Variants in ARHGAP21 observed in about 807,000 individuals in gnomAD.
ARHGAP21 encodes rho GTPase-activating protein 21.
In ARHGAP21, 38 loss-of-function variants were observed where a neutral mutation model predicts 164.6. The observed-to-expected ratio is 0.23, with a 90% CI of 0.18 to 0.30. The LOEUF (loss-of-function observed/expected upper bound fraction) is 0.30. ARHGAP21 is among the 10% of genes least tolerant of loss of function. The pLI, the probability that ARHGAP21 is intolerant of heterozygous loss-of-function variation, is 1.00. For synonymous variants in ARHGAP21, 766 were observed against 857.9 expected (o/e 0.89, Z 1.87); for missense variants, 1,822 against 2,370.7 (o/e 0.77, Z 4.81).
chr10:24,617,622 A>G (rs1834087461), intron 9 of ARHGAP21, among the ~76,000 whole-genome samples: 1 of 152,060 alleles, frequency 6.6e-6, no homozygotes, highest in Non-Finnish European at 1.5e-5. Context: ...AAAAAAAAAC[A>G]TAAGCTGTGT....
At chr10:24,690,789 C>A (rs567209423) in intron 2 of ARHGAP21, among the ~76,000 whole-genome samples, 2 of 150,448 alleles carry the variant, frequency 1.3e-5, no homozygotes, top group African/African-American at 4.9e-5. Flanking sequence ...GATCGCGCCA[C>A]TGCACTCCAG....
intron 4 of ARHGAP21, among the ~76,000 whole-genome samples, chr10:24,656,345 G>A (rs1291047554): frequency 9.3e-6 from 1 of 107,788 alleles, no homozygotes; most frequent in Admixed American, 8.1e-5. Flanking sequence ...GAGATGGGGG[G>A]GTCAGCCCCC....
intron 2 of ARHGAP21, among the ~76,000 whole-genome samples, chr10:24,717,481 G>A (rs1288257983): frequency 6.6e-6 from 1 of 152,138 alleles, no homozygotes; most frequent in African/African-American, 2.4e-5. Flanking sequence ...AACTGAAAGA[G>A]TCTTGCGGGT....
chr10:24,691,000 C>T (rs1456386726), intron 2 of ARHGAP21, among the ~76,000 whole-genome samples: 1 of 151,796 alleles, frequency 6.6e-6, no homozygotes, highest in East Asian at 1.9e-4. Flanking sequence ...CAGAACACAG[C>T]TCTCATATAA....
chr10:24,642,343 G>A (rs1452149734), intron 4 of ARHGAP21, among the ~76,000 whole-genome samples: 4 of 151,522 alleles, frequency 2.6e-5, no homozygotes, highest in African/African-American at 4.8e-5. Context: ...GTGAAACCCC[G>A]TCTCTACTAA....
rs1334100400 is a variant in ARHGAP21 at position 24,658,044 on chromosome 10, C to A, written c.268+8941G>T. 8.6e-5 allele frequency among the ~76,000 whole-genome samples: 3 copies of A among 34,730 alleles called. 1 individual carries two copies. The highest frequency in any genetic ancestry group is 1.5e-4 in the Non-Finnish European group (3 of 20,228). 22.8% of individuals were successfully genotyped at this position (34,730 alleles called of 152,430 possible). On this transcript the variant is annotated intron_variant, in intron 4 of 25. Transcript: ENST00000396432. ...TCTGTGAGAAACACCCAAGAATTATCAATAAAAAAATAAATTAAAAAAAAA... is the reference window on the plus strand; with the variant it reads ...TCTGTGAGAAACACCCAAGAATTATAAATAAAAAAATAAATTAAAAAAAAA...
intron 4 of ARHGAP21, among the ~76,000 whole-genome samples, chr10:24,652,756 TGACAAC>T (rs1171748344): frequency 6.6e-6 from 1 of 152,188 alleles, no homozygotes; most frequent in Non-Finnish European, 1.5e-5. Context: ...TTACAAAGAC[TGACAAC>T]AGCAAGTGTC....
chr10:24,628,432 T>A (rs1428047355), intron 7 of ARHGAP21, among the ~76,000 whole-genome samples: 2 of 152,166 alleles, frequency 1.3e-5, no homozygotes, highest in East Asian at 3.9e-4. Context: ...ATTTTTTTTT[T>A]TATAAAACAT....
intron 2 of ARHGAP21, among the ~76,000 whole-genome samples, chr10:24,692,679 A>G (rs531506436): frequency 6.6e-6 from 1 of 152,282 alleles, no homozygotes; most frequent in East Asian, 1.9e-4. Context: ...TAAAAATACA[A>G]AAAGTAGCTG....
At chr10:24,633,883 C>CTTTTTTTTTTTTTTTTTTT (rs3073324) in intron 5 of ARHGAP21, among the ~76,000 whole-genome samples, 1 of 75,496 alleles carries the variant, frequency 1.3e-5, no homozygotes. Context: ...CTTTTTTTCT[C>CTTTTTTTTTTTTTTTTTTT]TTTTTTTTTT....
chr10:24,630,582 C>T (rs1835758519), intron 6 of ARHGAP21, among the ~76,000 whole-genome samples: 1 of 152,128 alleles, frequency 6.6e-6, no homozygotes, highest in African/African-American at 2.4e-5. Context: ...ACCTCTGCCT[C>T]CTGGGTCTAA....
chr10:24,709,012 T>A (rs188189138), intron 2 of ARHGAP21, among the ~76,000 whole-genome samples: 3 of 152,102 alleles, frequency 2.0e-5, no homozygotes, highest in Admixed American at 1.3e-4. Context: ...CAGTTTTCCA[T>A]AGAGGTTGTA....
chr10:24,678,097 C>T (rs1841437667), intron 2 of ARHGAP21, among the ~76,000 whole-genome samples: 1 of 149,546 alleles, frequency 6.7e-6, no homozygotes, highest in Non-Finnish European at 1.5e-5. Flanking sequence ...CCTCACTCTC[C>T]ACAAAAAGGA....
intron 25 of ARHGAP21, among the ~76,000 whole-genome samples, chr10:24,587,125 G>A (rs976316004): frequency 6.6e-6 from 1 of 152,118 alleles, no homozygotes; most frequent in East Asian, 1.9e-4. Context: ...TATTGGGAAA[G>A]TTATTTGCTA....
At chr10:24,680,966 T>G (rs1200122879) in intron 2 of ARHGAP21, among the ~76,000 whole-genome samples, 2 of 152,154 alleles carry the variant, frequency 1.3e-5, no homozygotes, top group East Asian at 3.8e-4. Context: ...TTAAAAGACT[T>G]CATAACAAGG....
intron 10 of ARHGAP21, 60 bp from the exon 11 acceptor site, chr10:24,607,661 C>T (rs892802141): frequency 3.1e-5 from 50 of 1,609,098 alleles, no homozygotes; most frequent in Middle Eastern, 3.3e-4. Context: ...ATTCTTTTAA[C>T]GGTGGAAACA....
chr10:24,656,488 C>T (rs1178572036), intron 4 of ARHGAP21, among the ~76,000 whole-genome samples: 2 of 68,284 alleles, frequency 2.9e-5, no homozygotes, highest in Admixed American at 1.2e-4. Flanking sequence ...CCCCTCTGCC[C>T]GGCCAGCCGC....
chr10:24,607,756 G>A lies in ARHGAP21; in HGVS notation c.2570C>T (p.Ser857Leu). 2 of 1,613,994 alleles carry A rather than the reference G, an allele frequency of 1.2e-6. No homozygotes were observed. Reference sequence around the variant, plus strand: ...CCCTTTAGACGTACCGTGGTCATGTGAGAGCTGACGGCGAATTAATGGAGC... The same window carrying A: ...CCCTTTAGACGTACCGTGGTCATGTAAGAGCTGACGGCGAATTAATGGAGC... ...TSAPLIRRQL[S>L]HDHESVGPPS... is the part of the protein sequence containing the mutation. The change falls in exon 10 of 26, where the codon TCA becomes TTA. Residue 857 changes from serine (S) to leucine (L), a missense_variant. Around this residue, in one of 5 missense-constraint regions of ARHGAP21, gnomAD observed 1,090 missense variants for 1,378.9 expected, o/e 0.79. Transcript: ENST00000396432.
intron 24 of ARHGAP21, chr10:24,590,773 T>C: frequency 4.1e-6 from 4 of 985,336 alleles, no homozygotes; most frequent in Non-Finnish European, 4.8e-6. Context: ...ATGGTGCCCA[T>C]TACCAGTTCA....
Sources: gnomAD v4.1 joint callset for allele counts (sites outside exome capture counted in the v4.1 genomes callset) on GRCh38, gnomAD v4.1.1 for gene constraint, gnomAD v4.1.1 regional missense constraint, MANE v1.5 for transcripts, NCBI Gene and HGNC (gene_info 2026-07-23, HGNC 2026-07-21) for gene names.